Variants in DOCK3 observed in about 807,000 individuals in gnomAD.
DOCK3 encodes the protein dedicator of cytokinesis protein 3.
In DOCK3, 60 loss-of-function variants were observed where a neutral mutation model predicts 265.6. That is an observed-to-expected ratio of 0.23 (90% CI 0.18 to 0.28). The LOEUF is 0.28. Ranked by LOEUF, DOCK3 falls within the 10% of genes least tolerant of loss-of-function variation. The pLI is 1.00. For missense variants in DOCK3, 1,981 were observed against 2,594.3 expected, an observed-to-expected ratio of 0.76 and a Z score of 5.14; for synonymous variants, 881 against 938.0, an observed-to-expected ratio of 0.94 and a Z score of 1.11.
chr3:51,272,577 G>A lies in DOCK3; in HGVS notation c.2548+1570G>A, dbSNP rs538851804. Reference sequence around the variant, plus strand: ...GCTGGGATTACAGGTGTGAGACACCGCGCCCGGCCAGGTTTGACTTTTAAT... The same window carrying A: ...GCTGGGATTACAGGTGTGAGACACCACGCCCGGCCAGGTTTGACTTTTAAT... On this transcript the variant is annotated intron_variant, in intron 24 of 52. Coordinates refer to ENST00000266037, the MANE Select transcript of DOCK3 (RefSeq NM_004947.5). Among the ~76,000 whole-genome samples the A allele has an allele frequency of 4.0e-5, 6 of 151,202 alleles. No individual in the cohort carries two copies. The South Asian group carries it at 1.3e-3, about 32-fold the overall frequency.
chr3:50,986,657 G>A (rs919923987), intron 5 of DOCK3, among the ~76,000 whole-genome samples: 3 of 151,928 alleles, frequency 2.0e-5, no homozygotes, highest in African/African-American at 4.8e-5. Context: ...ACATTATACC[G>A]AATCTTTTAT....
intron 12 of DOCK3, among the ~76,000 whole-genome samples, chr3:51,201,089 A>G (rs868133645): frequency 5.3e-5 from 8 of 151,998 alleles, no homozygotes; most frequent in Non-Finnish European, 1.2e-4. Context: ...TGTAAAGACC[A>G]TCGAGACTAG....
intron 12 of DOCK3, among the ~76,000 whole-genome samples, chr3:51,198,224 A>G (rs2088446901): frequency 6.6e-6 from 1 of 152,242 alleles, no homozygotes; most frequent in African/African-American, 2.4e-5. Flanking sequence ...TAGACCCAGG[A>G]AAGTTATCCA....
chr3:50,845,292 G>A (rs1470425095), intron 3 of DOCK3, among the ~76,000 whole-genome samples: 1 of 152,100 alleles, frequency 6.6e-6, no homozygotes, highest in Admixed American at 6.6e-5. Context: ...AAGGACAACA[G>A]ATACTTGATT....
chr3:50,914,803 AC>A (rs987771877), intron 4 of DOCK3, among the ~76,000 whole-genome samples: 21 of 152,064 alleles, frequency 1.4e-4, no homozygotes, highest in Non-Finnish European at 5.9e-5. Context: ...AATCTCCAAC[AC>A]CAATTCATTC....
At chr3:51,137,321 A>T (rs2084851012) in intron 9 of DOCK3, among the ~76,000 whole-genome samples, 1 of 152,198 alleles carries the variant, frequency 6.6e-6, no homozygotes, top group Admixed American at 6.5e-5. Flanking sequence ...CATGAGAGAG[A>T]TGCTAAGCAG....
intron 27 of DOCK3, among the ~76,000 whole-genome samples, chr3:51,305,042 T>C (rs958715317): frequency 3.3e-5 from 5 of 152,254 alleles, no homozygotes; most frequent in African/African-American, 1.2e-4. Flanking sequence ...TGTATTTTGT[T>C]GTTAGATGGA....
chr3:50,759,736 A>G (rs1183930729), intron 1 of DOCK3, among the ~76,000 whole-genome samples: 1 of 151,344 alleles, frequency 6.6e-6, no homozygotes, highest in African/African-American at 2.4e-5. Context: ...TGTAGTTCCA[A>G]CTACAGGAAG....
At chr3:51,115,551 G>A (rs569772887) in intron 9 of DOCK3, among the ~76,000 whole-genome samples, 6 of 152,072 alleles carry the variant, frequency 3.9e-5, no homozygotes, top group Non-Finnish European at 8.8e-5. Flanking sequence ...TTAGCCCTTT[G>A]TCAGATAGGT....
chr3:51,357,733 C>T (rs756302232), intron 44 of DOCK3, 25 bp from the exon 45 acceptor site: 3 of 1,613,242 alleles, frequency 1.9e-6, no homozygotes, highest in South Asian at 2.2e-5. Context: ...GAAGAGTCTT[C>T]CTGACTTGGC....
At chr3:51,188,655 T>C (rs1364503416) in intron 12 of DOCK3, among the ~76,000 whole-genome samples, 2 of 152,214 alleles carry the variant, frequency 1.3e-5, no homozygotes, top group Non-Finnish European at 2.9e-5. Flanking sequence ...GATCAAATGT[T>C]TTAGTTCCCA....
intron 2 of DOCK3, chr3:50,786,879 C>T (rs1396459635): frequency 5.6e-5 from 41 of 738,532 alleles, no homozygotes; most frequent in Non-Finnish European, 9.0e-5. Context: ...GACTTCTCTC[C>T]AGAATGCTGC....
intron 14 of DOCK3, among the ~76,000 whole-genome samples, chr3:51,215,988 A>T (rs2089763268): frequency 6.6e-6 from 1 of 152,170 alleles, no homozygotes; most frequent in Non-Finnish European, 1.5e-5. Context: ...TATGAAAAAA[A>T]AAAAAAGTTA....
intron 5 of DOCK3, among the ~76,000 whole-genome samples, chr3:51,062,318 C>T (rs932962177): frequency 1.9e-4 from 29 of 152,186 alleles, no homozygotes; most frequent in African/African-American, 6.3e-4. Context: ...CATCAATCTT[C>T]CCTTTCTCAA....
Position 51,253,324 on chromosome 3 carries a change from C to CT in DOCK3, c.2184+6525dup, listed in dbSNP as rs1177939295. ...ATCAGGGATATTGGTCTAAAATTCT[C>CT]TTTTTTTTGTTGTGTCTCTGCCAGG... is the stretch of plus-strand genomic sequence containing the variant. On this transcript the variant is annotated intron_variant, in intron 22 of 52. Transcript: ENST00000266037. Among the ~76,000 whole-genome samples the CT allele has an allele frequency of 7.2e-5, 11 of 151,968 alleles. No homozygotes were observed. The East Asian group carries it at 7.7e-4, about 11-fold the overall frequency.
chr3:51,127,257 T>G (rs532313047), intron 9 of DOCK3, among the ~76,000 whole-genome samples: 4 of 152,220 alleles, frequency 2.6e-5, no homozygotes, highest in African/African-American at 9.6e-5. Context: ...GACTCAAATG[T>G]TAATCTCCTT....
intron 2 of DOCK3, among the ~76,000 whole-genome samples, chr3:50,824,135 G>C (rs1255284422): frequency 6.6e-6 from 1 of 152,162 alleles, no homozygotes; most frequent in Non-Finnish European, 1.5e-5. Context: ...TACAAATTCT[G>C]TTGGGTTGTA....
At chr3:50,764,917 A>ATTTGT (rs959587953) in intron 1 of DOCK3, among the ~76,000 whole-genome samples, 2 of 152,032 alleles carry the variant, frequency 1.3e-5, no homozygotes, top group African/African-American at 2.4e-5. Flanking sequence ...TAAAGGGCAT[A>ATTTGT]TTTGTTTTGT....
intron 30 of DOCK3, 34 bp downstream of exon 30, chr3:51,312,610 A>G (rs373273094): frequency 9.8e-6 from 15 of 1,534,220 alleles, no homozygotes; most frequent in East Asian, 2.2e-5. Context: ...TCTCCTTACC[A>G]CTTGGCCAAA....
Sources: gnomAD v4.1 joint callset for allele counts (sites outside exome capture counted in the v4.1 genomes callset) on GRCh38, gnomAD v4.1.1 for gene constraint, MANE v1.5 for transcripts, NCBI Gene and HGNC (gene_info 2026-07-23, HGNC 2026-07-21) for gene names.